Variants in MSH4 observed in about 807,000 individuals in gnomAD.
MSH4 encodes mutS homolog 4.
MSH4 carries 106 observed loss-of-function variants against 113.7 expected under a neutral mutation model. The observed-to-expected ratio is 0.93, with a 90% confidence interval of 0.80 to 1.10. MSH4 has a LOEUF of 1.10. Among genes scored for constraint, MSH4 ranks in the 50% least tolerant of loss-of-function variants. The pLI, the probability that MSH4 is intolerant of heterozygous loss-of-function variation, is 0.00. For synonymous variants in MSH4, 368 were observed against 380.2 expected, an observed-to-expected ratio of 0.97 and a Z score of 0.37; for missense variants, 1,061 against 1,093.7, an observed-to-expected ratio of 0.97 and a Z score of 0.42.
At chr1:75,886,471 A>G (rs111214360) in intron 15 of MSH4, among the ~76,000 whole-genome samples, 1 of 125,022 alleles carries the variant, frequency 8.0e-6, no homozygotes, top group East Asian at 2.3e-4. Context: ...TATATATTAT[A>G]TATAATATAT....
At chr1:75,894,843 A>G (rs1161681876) in intron 17 of MSH4, among the ~76,000 whole-genome samples, 2 of 152,146 alleles carry the variant, frequency 1.3e-5, no homozygotes, top group African/African-American at 4.8e-5. Flanking sequence ...AACACCAGCT[A>G]AGTGGCAATA....
At chr1:75,822,310 T>TAAA in intron 6 of MSH4, 99 bp from the exon 7 acceptor site, 5 of 567,780 alleles carry the variant, frequency 8.8e-6, no homozygotes, top group Non-Finnish European at 1.2e-5. Context: ...AAAAAAAGAA[T>TAAA]CATTGCTGTA....
At chr1:75,845,046 T>G (rs1438040313) in intron 7 of MSH4, among the ~76,000 whole-genome samples, 1 of 152,242 alleles carries the variant, frequency 6.6e-6, no homozygotes, top group East Asian at 1.9e-4. Flanking sequence ...AACCCACTTC[T>G]GTGATAATGG....
chr1:75,833,315 G>T (rs1491003960), intron 7 of MSH4, among the ~76,000 whole-genome samples: 1 of 152,164 alleles, frequency 6.6e-6, no homozygotes, highest in African/African-American at 2.4e-5. Flanking sequence ...CACATTCCAT[G>T]CTCATGGATA....
chr1:75,805,233 T>C (rs1177207076), intron 2 of MSH4, among the ~76,000 whole-genome samples: 1 of 152,168 alleles, frequency 6.6e-6, no homozygotes, highest in Admixed American at 6.5e-5. Flanking sequence ...TGCTGTTATC[T>C]CTCTGTTGTA....
At chr1:75,852,846 T>C (rs1014270440) in intron 8 of MSH4, among the ~76,000 whole-genome samples, 15 of 152,156 alleles carry the variant, frequency 9.9e-5, no homozygotes, top group African/African-American at 3.4e-4. Context: ...TATATGCATG[T>C]TAATCCCCGA....
intron 7 of MSH4, among the ~76,000 whole-genome samples, chr1:75,833,468 G>A (rs76236653): frequency 1.3e-3 from 204 of 152,120 alleles, no homozygotes; most frequent in South Asian, 6.8e-3. Flanking sequence ...AAAAGAGCTC[G>A]CATTAACTGG....
intron 7 of MSH4, among the ~76,000 whole-genome samples, chr1:75,825,388 A>C (rs1650524368): frequency 6.6e-6 from 1 of 152,130 alleles, no homozygotes; most frequent in African/African-American, 2.4e-5. Context: ...TTTTCTAAAT[A>C]TATAATCATG....
intron 19 of MSH4, among the ~76,000 whole-genome samples, chr1:75,911,870 G>A (rs1652795593): frequency 1.3e-5 from 2 of 151,750 alleles, no homozygotes; most frequent in Non-Finnish European, 2.9e-5. Context: ...TATATTTCAG[G>A]GAAACTCACT....
chr1:75,857,982 A>G (rs908940589), intron 8 of MSH4, among the ~76,000 whole-genome samples: 4 of 152,148 alleles, frequency 2.6e-5, no homozygotes, highest in Admixed American at 2.0e-4. Context: ...GGTCCTTCAC[A>G]TCCCTTGTAA....
intron 9 of MSH4, among the ~76,000 whole-genome samples, chr1:75,869,897 G>A (rs1245195245): frequency 6.6e-6 from 1 of 152,224 alleles, no homozygotes; most frequent in African/African-American, 2.4e-5. Flanking sequence ...TCTGTGAGAA[G>A]AGGGCCACTG....
At chr1:75,872,704 A>G (rs1319889057) in intron 9 of MSH4, among the ~76,000 whole-genome samples, 1 of 152,262 alleles carries the variant, frequency 6.6e-6, no homozygotes, top group Non-Finnish European at 1.5e-5. Flanking sequence ...TGTTATCACA[A>G]TGAAATGAAA....
At chr1:75,804,618 C>G (rs1650017093) in intron 2 of MSH4, among the ~76,000 whole-genome samples, 1 of 142,500 alleles carries the variant, frequency 7.0e-6, no homozygotes, top group Non-Finnish European at 1.5e-5. Flanking sequence ...TCAAGTGATT[C>G]TTCTGCCTCA....
In MSH4 at chr1:75,822,478, T is replaced by C; in HGVS notation, c.1059T>C (p.Ser353=). ...KTPGGSRRLR[S]NILEPLVDIE... ...CTGGAGGGAGTAGACGACTTCGTTC[T>C]AATATATTAGAGCCTCTAGTTGATA... Residue 353 remains serine, a synonymous_variant, in exon 7 of 20, where the codon TCT becomes TCC. Coordinates refer to ENST00000263187, the MANE Select transcript of MSH4 (RefSeq NM_002440.4). 6.3e-7 allele frequency: 1 copy of C among 1,588,046 alleles called. No homozygotes were observed. Among genetic ancestry groups the C allele is most frequent in the Non-Finnish European group, 8.6e-7 (1 of 1,168,920 alleles).
chr1:75,879,071 G>C lies in MSH4; in HGVS notation c.1620G>C (p.Gln540His). The C allele has an allele frequency of 6.2e-7, 1 of 1,611,432 alleles. No individual in the cohort carries two copies. The change falls in exon 12 of 20, where the codon CAG becomes CAC. Residue 540 changes from glutamine (Q) to histidine (H), a missense_variant. Gln to His is a conservative substitution (Grantham distance 24). Transcript: ENST00000263187. ...SFSSARGFFIQMTTDCIALPS... is the reference protein window; with the variant it reads ...SFSSARGFFIHMTTDCIALPS... ...GCTCTGCTCGAGGATTTTTCATCCAGATGACTACAGATTGTATAGCCCTAC... is the reference window on the plus strand; with the variant it reads ...GCTCTGCTCGAGGATTTTTCATCCACATGACTACAGATTGTATAGCCCTAC...
At chr1:75,826,954 C>G (rs2100525870) in intron 7 of MSH4, among the ~76,000 whole-genome samples, 1 of 152,270 alleles carries the variant, frequency 6.6e-6, no homozygotes, top group East Asian at 1.9e-4. Context: ...GTAGAGAGTT[C>G]TATAGATGTC....
chr1:75,850,985 A>G (rs542558762), intron 8 of MSH4, among the ~76,000 whole-genome samples: 1 of 152,252 alleles, frequency 6.6e-6, no homozygotes, highest in African/African-American at 2.4e-5. Flanking sequence ...TGCATCTAAT[A>G]TTAATATAGC....
chr1:75,800,209 G>A (rs1649905653), intron 1 of MSH4, among the ~76,000 whole-genome samples: 1 of 152,084 alleles, frequency 6.6e-6, no homozygotes, highest in Admixed American at 6.6e-5. Flanking sequence ...GCCTAGAAAT[G>A]CTAATGGAGC....
chr1:75,815,389 T>C (rs1650274384), intron 5 of MSH4, among the ~76,000 whole-genome samples: 1 of 152,176 alleles, frequency 6.6e-6, no homozygotes, highest in African/African-American at 2.4e-5. Context: ...ACTTAATTTA[T>C]ATAGAATTTC....
Sources: allele counts gnomAD v4.1 joint callset (sites outside exome capture counted in the v4.1 genomes callset), GRCh38; gene constraint gnomAD v4.1.1; transcripts MANE v1.5; gene names NCBI Gene and HGNC (gene_info 2026-07-23, HGNC 2026-07-21).